CAST: variants seen among roughly 807,000 people sequenced by gnomAD.
CAST encodes calpastatin, also known as MIR583 host.
In CAST, 76 loss-of-function variants were observed where a neutral mutation model predicts 119.6. That is an observed-to-expected ratio of 0.64 (90% CI 0.53 to 0.77). CAST has a LOEUF of 0.77. Among genes scored for constraint, CAST ranks in the 30% least tolerant of loss-of-function variants. The pLI, the probability that CAST is intolerant of heterozygous loss-of-function variation, is 0.00. For synonymous variants in CAST, 319 were observed against 331.6 expected (o/e 0.96, Z 0.41); for missense variants, 953 against 946.5 (o/e 1.01, Z -0.09).
the CAST span, among the ~76,000 whole-genome samples, chr5:95,982,695 G>A: frequency 6.6e-6 from 1 of 152,250 alleles, no homozygotes; most frequent in East Asian, 1.9e-4. Flanking sequence ...GGTGCAAATT[G>A]CACCAAATTT....
At chr5:96,213,495 A>T in the CAST span, 2 of 152,156 alleles carry the variant, frequency 1.3e-5, no homozygotes, top group African/African-American at 4.8e-5. Flanking sequence ...GATATTAAAA[A>T]CATTGGACTG....
chr5:96,544,011 C>A (rs1440843772), intron 1 of CAST, among the ~76,000 whole-genome samples: 1 of 152,186 alleles, frequency 6.6e-6, no homozygotes, highest in Non-Finnish European at 1.5e-5. Flanking sequence ...AGTCCTCCAC[C>A]TTGCTTCTTC....
chr5:96,069,409 CTATG>C, the CAST span, among the ~76,000 whole-genome samples: 1 of 121,628 alleles, frequency 8.2e-6, no homozygotes, highest in Non-Finnish European at 1.8e-5. Context: ...GTGTGTGTGT[CTATG>C]TGTGTGTGTA....
chr5:96,230,356 A>G, the CAST span, among the ~76,000 whole-genome samples: 3 of 152,102 alleles, frequency 2.0e-5, no homozygotes, highest in Non-Finnish European at 2.9e-5. Context: ...TCTCTTTATC[A>G]ATTTAAATTT....
chr5:96,279,664 G>A, the CAST span, among the ~76,000 whole-genome samples: 4 of 152,116 alleles, frequency 2.6e-5, no homozygotes, highest in Non-Finnish European at 5.9e-5. Flanking sequence ...ATGTATCAAT[G>A]TTCTGATTAA....
At chr5:96,501,029 T>C in the CAST span, among the ~76,000 whole-genome samples, 2 of 152,156 alleles carry the variant, frequency 1.3e-5, no homozygotes, top group African/African-American at 4.8e-5. Flanking sequence ...CTGAAGAGTG[T>C]GGCACCAAGT....
At chr5:96,080,116 T>C in the CAST span, among the ~76,000 whole-genome samples, 1 of 152,184 alleles carries the variant, frequency 6.6e-6, no homozygotes, top group Non-Finnish European at 1.5e-5. Flanking sequence ...TTATTAGCCA[T>C]ATAACCTAGG....
At chr5:96,271,651 G>C in the CAST span, among the ~76,000 whole-genome samples, 1 of 144,864 alleles carries the variant, frequency 6.9e-6, no homozygotes, top group Non-Finnish European at 1.5e-5. Context: ...GAAACCACTA[G>C]GAAAAAAAAA....
At chr5:96,543,673 A>T (rs1412423282) in intron 1 of CAST, among the ~76,000 whole-genome samples, 1 of 152,180 alleles carries the variant, frequency 6.6e-6, no homozygotes, top group African/African-American at 2.4e-5. Flanking sequence ...ACAAACCCAA[A>T]ATCACCCAGA....
intron 2 of CAST, among the ~76,000 whole-genome samples, chr5:96,685,177 A>G (rs1751939510): frequency 6.6e-6 from 1 of 152,096 alleles, no homozygotes. Flanking sequence ...TGAAGAGATT[A>G]TATTTTATTG....
At chr5:96,681,986 T>C (rs1019253021) in intron 2 of CAST, among the ~76,000 whole-genome samples, 1 of 152,178 alleles carries the variant, frequency 6.6e-6, no homozygotes, top group East Asian at 1.9e-4. Context: ...CCCATCCACA[T>C]AACTTGTATT....
chr5:96,502,744 T>C, the CAST span, among the ~76,000 whole-genome samples: 1 of 152,062 alleles, frequency 6.6e-6, no homozygotes, highest in Non-Finnish European at 1.5e-5. Flanking sequence ...ATATTAGATC[T>C]ACTACATGTA....
At chr5:96,187,198 C>T in the CAST span, among the ~76,000 whole-genome samples, 3 of 151,750 alleles carry the variant, frequency 2.0e-5, no homozygotes, top group Non-Finnish European at 2.9e-5. Context: ...TGGTGATATC[C>T]CCCGTATCAT....
intron 1 of CAST, among the ~76,000 whole-genome samples, chr5:96,593,330 T>C (rs1365060945): frequency 6.6e-6 from 1 of 152,224 alleles, no homozygotes; most frequent in Non-Finnish European, 1.5e-5. Context: ...TGACGTGTTC[T>C]CTAACCCTGA....
the CAST span, among the ~76,000 whole-genome samples, chr5:96,370,190 A>T: frequency 6.6e-6 from 1 of 151,900 alleles, no homozygotes; most frequent in Non-Finnish European, 1.5e-5. Flanking sequence ...AGAAATACAA[A>T]CTCAGAGAAG....
the CAST span, among the ~76,000 whole-genome samples, chr5:96,442,143 A>G: frequency 6.6e-6 from 1 of 152,218 alleles, no homozygotes; most frequent in East Asian, 1.9e-4. Context: ...TGCTTCTTCT[A>G]CCTTCCACTT....
chr5:96,443,696 G>T, the CAST span, among the ~76,000 whole-genome samples: 1 of 152,174 alleles, frequency 6.6e-6, no homozygotes, highest in Non-Finnish European at 1.5e-5. Context: ...GATTTAATTG[G>T]TGTGGCATGG....
the CAST span, among the ~76,000 whole-genome samples, chr5:95,971,175 G>C: frequency 6.6e-6 from 1 of 152,140 alleles, no homozygotes; most frequent in African/African-American, 2.4e-5. Flanking sequence ...AATAGATTCT[G>C]ACTTGGTATA....
the CAST span, among the ~76,000 whole-genome samples, chr5:96,455,279 G>A: frequency 6.6e-6 from 1 of 152,224 alleles, no homozygotes; most frequent in South Asian, 2.1e-4. Context: ...AAAAGTCAAA[G>A]ATTCTTTTCA....
Sources: gnomAD v4.1 joint callset for allele counts (sites outside exome capture counted in the v4.1 genomes callset) on GRCh38, gnomAD v4.1.1 for gene constraint, MANE v1.5 for transcripts, NCBI Gene and HGNC (gene_info 2026-07-23, HGNC 2026-07-21) for gene names.